CDH7: variants seen among roughly 807,000 people sequenced by gnomAD.
CDH7 encodes the protein cadherin 7.
A neutral mutation model predicts 71.8 loss-of-function variants in CDH7; 25 were observed. The ratio of observed to expected loss-of-function variants is 0.35; its 90% CI spans 0.25 to 0.49. The LOEUF is 0.49. CDH7 is among the 20% of genes least tolerant of loss of function. The pLI, the probability that CDH7 is intolerant of heterozygous loss-of-function variation, is 0.99. For synonymous variants in CDH7, 381 were observed against 363.8 expected (o/e 1.05, Z -0.54); for missense variants, 862 against 974.6 (o/e 0.88, Z 1.54).
intron 7 of CDH7, among the ~76,000 whole-genome samples, chr18:65,851,679 A>G (rs982243439): frequency 6.6e-6 from 1 of 152,220 alleles, no homozygotes; most frequent in African/African-American, 2.4e-5. Context: ...TGTAGAAGAG[A>G]TCTTACATGA....
intron 6 of CDH7, among the ~76,000 whole-genome samples, chr18:65,831,910 C>T (rs572294620): frequency 4.0e-5 from 6 of 151,852 alleles, no homozygotes; most frequent in African/African-American, 1.2e-4. Flanking sequence ...TCCACCAAAA[C>T]GAACAGTTTT....
chr18:65,763,183 G>T (rs892027939), intron 2 of CDH7, 131 bp downstream of exon 2: 2 of 505,626 alleles, frequency 4.0e-6, no homozygotes, highest in Non-Finnish European at 3.3e-6. Context: ...TCATTTCTAT[G>T]AAAGAGTTTA....
intron 7 of CDH7, among the ~76,000 whole-genome samples, chr18:65,852,433 C>T (rs1417708694): frequency 2.0e-5 from 3 of 152,092 alleles, no homozygotes; most frequent in Non-Finnish European, 4.4e-5. Flanking sequence ...AGGACTGACA[C>T]CTTGGCAGCA....
intron 2 of CDH7, among the ~76,000 whole-genome samples, chr18:65,770,838 C>T (rs1045675361): frequency 3.3e-5 from 5 of 152,098 alleles, no homozygotes; most frequent in Non-Finnish European, 4.4e-5. Context: ...TAATACCAAC[C>T]AATCATATTT....
rs1233483568 is a variant in CDH7, at chr18:65,809,794, A to T, written c.301A>T (p.Thr101Ser). The T allele has an allele frequency of 6.2e-7, 1 of 1,613,978 alleles. No homozygotes were observed. Residue 101 changes from threonine to serine, a missense_variant, in exon 3 of 12, where the codon ACT becomes TCT. Thr to Ser is a moderately conservative substitution (Grantham distance 58). Transcript: ENST00000397968. ...TTCCATTTTCATTATTGATGAGAAC[A>T]CTGGGGATATTCATGCCACCAAGAG... Reference protein sequence around the residue: ...ASSIFIIDENTGDIHATKRLD... With the variant: ...ASSIFIIDENSGDIHATKRLD...
intron 1 of CDH7, among the ~76,000 whole-genome samples, chr18:65,752,053 A>T (rs150646330): frequency 6.6e-6 from 1 of 152,234 alleles, no homozygotes; most frequent in African/African-American, 2.4e-5. Context: ...GAGATCTGCA[A>T]ATTGAACGAG....
At chr18:65,803,795 A>G (rs1450354518) in intron 2 of CDH7, 1 of 151,866 alleles carries the variant, frequency 6.6e-6, no homozygotes, top group African/African-American at 2.4e-5. Context: ...TATGGGTTCT[A>G]ATAATCTGGA....
At chr18:65,806,209 C>T (rs1040521672) in intron 2 of CDH7, among the ~76,000 whole-genome samples, 2 of 151,176 alleles carry the variant, frequency 1.3e-5, no homozygotes, top group Non-Finnish European at 2.9e-5. Flanking sequence ...ATAATTGCAC[C>T]TCCTCCTCAG....
chr18:65,876,169 T>C (rs772356190), intron 11 of CDH7, among the ~76,000 whole-genome samples: 1 of 152,210 alleles, frequency 6.6e-6, no homozygotes, highest in Non-Finnish European at 1.5e-5. Context: ...ACTGCTTATT[T>C]GTAGGAACCC....
intron 2 of CDH7, among the ~76,000 whole-genome samples, chr18:65,782,107 C>CTTCTTTCTTTCTTTCTTTCT: frequency 2.1e-3 from 52 of 25,232 alleles, no homozygotes; most frequent in South Asian, 3.9e-3. Context: ...TCCTTCCTTC[C>CTTCTTTCTTTCTTTCTTTCT]TTCTTTCTTT....
chr18:65,853,906 CATATATATATATATAT>C (rs4047846), intron 7 of CDH7, among the ~76,000 whole-genome samples: 1,380 of 34,136 alleles, frequency 0.04, 47 homozygotes, highest in South Asian at 0.1. Flanking sequence ...CATAAATTAC[CATATATATATATATAT>C]ATATATATAT....
rs1307234317 is a variant in CDH7, at chr18:65,886,787, C to A, written c.*5893C>A. ...GATATTGACTTAACATGAAAACCAT[C>A]CTGAATGCAATGCACTCTTGATGAC... is the stretch of plus-strand genomic sequence containing the variant. On this transcript the variant is annotated 3_prime_UTR_variant, in exon 12 of 12. Transcript: ENST00000397968. 6.6e-6 allele frequency: 1 copy of A among 152,112 alleles called. No homozygotes were observed. Among genetic ancestry groups the A allele is most frequent in the Non-Finnish European group, 1.5e-5 (1 of 67,990 alleles). 9.4% of individuals were successfully genotyped at this position (152,112 alleles called of 1,614,324 possible). A position where few individuals can be genotyped will look rare whatever the true frequency, so the allele number is the denominator to read the frequency against.
chr18:65,771,310 T>C (rs761083249), intron 2 of CDH7, among the ~76,000 whole-genome samples: 1 of 152,028 alleles, frequency 6.6e-6, no homozygotes, highest in Non-Finnish European at 1.5e-5. Flanking sequence ...ATCTATAGTT[T>C]AGTTTTAACA....
chr18:65,774,594 C>G (rs1391380125), intron 2 of CDH7, among the ~76,000 whole-genome samples: 2 of 151,914 alleles, frequency 1.3e-5, no homozygotes, highest in African/African-American at 2.4e-5. Flanking sequence ...GGTACTGAAT[C>G]TGTTGTACCT....
At chr18:65,876,991 C>T (rs1914091744) in intron 11 of CDH7, among the ~76,000 whole-genome samples, 2 of 152,160 alleles carry the variant, frequency 1.3e-5, no homozygotes, top group African/African-American at 4.8e-5. Context: ...AATGATAAAA[C>T]CTCTTAAAAT....
intron 2 of CDH7, among the ~76,000 whole-genome samples, chr18:65,784,200 G>A (rs12955675): frequency 0.34 from 49,808 of 148,392 alleles, 8,603 homozygotes; most frequent in Middle Eastern, 0.45. Flanking sequence ...ACCCATCTCA[G>A]CTTCCCAAAG....
chr18:65,844,031 G>A lies in CDH7; in HGVS notation c.1201G>A (p.Ala401Thr). 6.2e-7 allele frequency: 1 copy of A among 1,613,054 alleles called. No homozygotes were observed. Among genetic ancestry groups the A allele is most frequent in the Middle Eastern group, 1.7e-4 (1 of 6,058 alleles). Reference protein sequence around the residue: ...QVGNIIGTVAAHDPDSSNSPV... With the variant: ...QVGNIIGTVATHDPDSSNSPV... ...TGGGAATATCATTGGCACTGTAGCA[G>A]CTCATGACCCAGATTCTTCCAATAG... The change falls in exon 7 of 12, where the codon GCT becomes ACT. Residue 401 changes from alanine to threonine, a missense_variant. Transcript: ENST00000397968.
intron 6 of CDH7, among the ~76,000 whole-genome samples, chr18:65,835,164 CA>C (rs1451881638): frequency 1.3e-5 from 2 of 152,112 alleles, no homozygotes; most frequent in African/African-American, 4.8e-5. Context: ...ATGGTAAGAA[CA>C]GAGGTTGTAT....
chr18:65,850,076 A>G (rs1317625828), intron 7 of CDH7, among the ~76,000 whole-genome samples: 1 of 151,094 alleles, frequency 6.6e-6, no homozygotes, highest in East Asian at 2.0e-4. Flanking sequence ...AGGCTGAAGA[A>G]TCTCTTGAAC....
Sources: allele counts gnomAD v4.1 joint callset (sites outside exome capture counted in the v4.1 genomes callset), GRCh38; gene constraint gnomAD v4.1.1; transcripts MANE v1.5; gene names NCBI Gene and HGNC (gene_info 2026-07-23, HGNC 2026-07-21).